The following VSX1 variants were observed in gnomAD, a reference collection of about 807,000 sequenced individuals.
VSX1 encodes the protein homeodomain protein RINX.
Under a neutral mutation model 23.6 loss-of-function variants are expected in VSX1, and 23 were observed. That is an observed-to-expected ratio of 0.97 (90% CI 0.70 to 1.38). VSX1 has a LOEUF of 1.38. Ranked by LOEUF, VSX1 falls within the 40% of genes most tolerant of loss-of-function variation. The pLI, the probability that VSX1 is intolerant of heterozygous loss-of-function variation, is 0.00. For missense variants in VSX1, 517 were observed against 495.4 expected, an observed-to-expected ratio of 1.04 and a Z score of -0.41; for synonymous variants, 247 against 215.1, an observed-to-expected ratio of 1.15 and a Z score of -1.30.
At position 25,082,011 on chromosome 20, in the gene VSX1, C is replaced by G. The variant is rs2089661408; in HGVS notation, c.86G>C (p.Arg29Pro). Residue 29 changes from arginine to proline, a missense_variant, in exon 1 of 5, where the codon CGG becomes CCG. Coordinates refer to ENST00000376709, the MANE Select transcript of VSX1 (RefSeq NM_014588.6). ...PGGSPRGSRP[R>P]GFAITDLLGL... ...CAGCAGGTCCGTGATGGCGAAGCCC[C>G]GGGGGCGCGAGCCCCTAGGGGAACC... 6.5e-7 allele frequency: 1 copy of G among 1,534,914 alleles called. No homozygotes were observed. Among genetic ancestry groups the G allele is most frequent in the Admixed American group, 2.0e-5 (1 of 51,016 alleles).
chr20:25,078,441 T>C (rs563215126), intron 3 of VSX1: 46 of 848,698 alleles, frequency 5.4e-5, no homozygotes, highest in Non-Finnish European at 7.0e-5. Flanking sequence ...GATATGTATA[T>C]GCACATACAT....
chr20:25,077,256 C>A (rs1367314599), intron 4 of VSX1, among the ~76,000 whole-genome samples: 1 of 152,184 alleles, frequency 6.6e-6, no homozygotes, highest in African/African-American at 2.4e-5. Context: ...CAGAACCAAG[C>A]CCGGGGCCAG....
Position 25,081,875 on chromosome 20 carries a change from C to G in VSX1, c.222G>C (p.Ala74=), listed in dbSNP as rs929021674. Residue 74 remains alanine (A), a synonymous_variant, in exon 1 of 5, where the codon GCG becomes GCC. Coordinates refer to ENST00000376709, the MANE Select transcript of VSX1 (RefSeq NM_014588.6). ...CGAGTCCCAGCGGTAGGGCCCCACG[C>G]GCCAGGCTGGAGCCGTCAAGCCCCG... ...PGPGLDGSSL[A]RGALPLGLGL... is the part of the protein sequence containing the mutation. The G allele has an allele frequency of 3.3e-6, 5 of 1,525,650 alleles. No individual in the cohort carries two copies. In the East Asian group the frequency reaches 1.3e-4, roughly 38 times the overall value. 94.5% of individuals were successfully genotyped at this position (1,525,650 alleles called of 1,614,324 possible).
downstream of VSX1, among the ~76,000 whole-genome samples, chr20:25,074,947 G>T (rs150529129): frequency 6.3e-3 from 966 of 152,316 alleles, 12 homozygotes; most frequent in Non-Finnish European, 8.4e-3. Context: ...GCAGTCTCAG[G>T]CCTCAGTTAT....
rs772995980 is a variant in VSX1 at position 25,082,018 on chromosome 20, G to A, written c.79C>T (p.Arg27Cys). ...LVPGGSPRGSRPRGFAITDLL... is the reference protein window; with the variant it reads ...LVPGGSPRGSCPRGFAITDLL... ...TCCGTGATGGCGAAGCCCCGGGGGC[G>A]CGAGCCCCTAGGGGAACCGCCAGGC... Residue 27 changes from arginine to cysteine, a missense_variant, in exon 1 of 5, where the codon CGC becomes TGC. Coordinates refer to ENST00000376709, the MANE Select transcript of VSX1 (RefSeq NM_014588.6). The A allele has an allele frequency of 1.5e-5, 23 of 1,535,488 alleles. No homozygotes were observed. In the East Asian group the frequency reaches 5.6e-4, roughly 37 times the overall value.
downstream of VSX1, among the ~76,000 whole-genome samples, chr20:25,074,909 G>T (rs546825951): frequency 9.1e-4 from 139 of 152,326 alleles, no homozygotes; most frequent in African/African-American, 3.3e-3. Flanking sequence ...AGAACTTCTA[G>T]AGTTCATGCC....
downstream of VSX1, among the ~76,000 whole-genome samples, chr20:25,074,089 A>G (rs2089437968): frequency 6.6e-6 from 1 of 152,238 alleles, no homozygotes; most frequent in African/African-American, 2.4e-5. Context: ...GATTTTTGAT[A>G]TTAATAGAAA....
intron 1 of VSX1, among the ~76,000 whole-genome samples, chr20:25,080,841 T>C (rs896564757): frequency 3.9e-5 from 6 of 152,234 alleles, no homozygotes; most frequent in Non-Finnish European, 8.8e-5. Context: ...CCTTTTAGTA[T>C]CAGAAGACCC....
At chr20:25,078,619 A>G in intron 3 of VSX1, 2 of 1,478,156 alleles carry the variant, frequency 1.4e-6, no homozygotes, top group Non-Finnish European at 1.8e-6. Flanking sequence ...GATTTTAAAG[A>G]ATGATTTGAT....
chr20:25,071,685 C>T (rs1379650352), downstream of VSX1: 1 of 636,582 alleles, frequency 1.6e-6, no homozygotes, highest in Non-Finnish European at 2.9e-6. Context: ...GTCATGACTG[C>T]AGGTTTATTC....
At chr20:25,078,774 G>A (rs1600384043) in intron 3 of VSX1, 55 bp downstream of exon 3, 1 of 1,614,144 alleles carries the variant, frequency 6.2e-7, no homozygotes, top group Non-Finnish European at 8.5e-7. Context: ...ACTGAATGTG[G>A]GAATGACACG....
intron 2 of VSX1, 45 bp from the exon 3 acceptor site, chr20:25,078,997 G>T (rs919494028): frequency 6.2e-7 from 1 of 1,611,552 alleles, no homozygotes; most frequent in Non-Finnish European, 8.5e-7. Flanking sequence ...GTCCCCTGGG[G>T]ACAGCAGCCT....
chr20:25,081,476 G>T (rs777216979), intron 1 of VSX1, 197 bp downstream of exon 1: 3 of 873,068 alleles, frequency 3.4e-6, no homozygotes, highest in Non-Finnish European at 5.8e-6. Flanking sequence ...CGGATGAGAG[G>T]CAGGGATTTA....
In VSX1 at chr20:25,077,787, C is replaced by G. The variant is rs1208254642; in HGVS notation, c.706G>C (p.Gly236Arg). The change falls in exon 4 of 5, where the codon GGG (glycine) becomes CGG (arginine). Residue 236 changes from glycine (G) to arginine (R), a missense_variant. By Grantham distance (125) the Gly-to-Arg change is moderately radical (BLOSUM62 -2). Coordinates refer to ENST00000376709, the MANE Select transcript of VSX1 (RefSeq NM_014588.6). Reference protein sequence around the residue: ...WGGSSVMAEYGLYGAMVRHCI... With the variant: ...WGGSSVMAEYRLYGAMVRHCI... ...TGGCGCACCATGGCCCCGTACAGCCCGTACTCGGCCATCACGCTGCTGCCG... is the reference window on the plus strand; with the variant it reads ...TGGCGCACCATGGCCCCGTACAGCCGGTACTCGGCCATCACGCTGCTGCCG... The G allele has an allele frequency of 4.5e-6, 7 of 1,551,008 alleles. No individual in the cohort carries two copies. Among genetic ancestry groups the G allele is most frequent in the East Asian group, 4.9e-5 (2 of 40,964 alleles).
chr20:25,082,052 C>A lies in VSX1; in HGVS notation c.45G>T (p.Arg15Ser). Reference sequence around the variant, plus strand: ...TAGGGGAACCGCCAGGCACCAGCGCCCTGCTGCTAGTGCGCCCGTCGGAAA... The same window carrying A: ...TAGGGGAACCGCCAGGCACCAGCGCACTGCTGCTAGTGCGCCCGTCGGAAA... ...DSLSDGRTSS[R>S]ALVPGGSPRG... Residue 15 changes from arginine to serine, a missense_variant, in exon 1 of 5, where the codon AGG becomes AGT. By Grantham distance (110) the Arg-to-Ser change is moderately radical. Coordinates refer to ENST00000376709, the MANE Select transcript of VSX1 (RefSeq NM_014588.6). 1 of 1,538,614 alleles carries A rather than the reference C, an allele frequency of 6.5e-7. No homozygotes were observed. The highest frequency in any genetic ancestry group is 1.2e-5 in the South Asian group (1 of 84,324).
At chr20:25,071,980 A>G, downstream of VSX1, 2 of 630,138 alleles carry the variant, frequency 3.2e-6, no homozygotes, top group Non-Finnish European at 5.8e-6. Flanking sequence ...TCTCCTGCAA[A>G]GTCCAGTGAA....
downstream of VSX1, among the ~76,000 whole-genome samples, chr20:25,073,752 C>T (rs1330534860): frequency 1.3e-5 from 2 of 152,190 alleles, no homozygotes; most frequent in Non-Finnish European, 2.9e-5. Context: ...ACTTCAGGAA[C>T]CTCCAGTGAC....
Position 25,076,473 on chromosome 20 carries a change from G to A in VSX1, c.886C>T (p.His296Tyr). Reference protein sequence around the residue: ...DKLAGLWGSDHFKEGSSQSES... With the variant: ...DKLAGLWGSDYFKEGSSQSES... The stretch of plus-strand genomic sequence containing the variant: ...CTCTGGCTAGAACCTTCTTTGAAGT[G>A]GTCAGAGCCCCAGAGTCCTGCCAAC... The change falls in exon 5 of 5, where the codon CAC (histidine) becomes TAC (tyrosine). Residue 296 changes from histidine (H) to tyrosine (Y), a missense_variant. Transcript: ENST00000376709. 6.2e-7 allele frequency: 1 copy of A among 1,613,970 alleles called. No individual in the cohort carries two copies.
At chr20:25,071,900 AC>A (rs1426076146), downstream of VSX1, 5 of 707,246 alleles carry the variant, frequency 7.1e-6, no homozygotes, top group Non-Finnish European at 1.3e-5. Context: ...AGAGGGGCAG[AC>A]TTTAGCAGCA....
Sources: allele counts gnomAD v4.1 joint callset (sites outside exome capture counted in the v4.1 genomes callset), GRCh38; gene constraint gnomAD v4.1.1; transcripts MANE v1.5; gene names NCBI Gene and HGNC (gene_info 2026-07-23, HGNC 2026-07-21).